COP1: variants seen among roughly 807,000 people sequenced by gnomAD.
COP1 encodes the protein E3 ubiquitin-protein ligase COP1.
Under a neutral mutation model 101.3 loss-of-function variants are expected in COP1, and 24 were observed. That is an observed-to-expected ratio of 0.24 (90% CI 0.17 to 0.33). The LOEUF is 0.33. COP1 is among the 10% of genes least tolerant of loss of function. The probability of loss-of-function intolerance (pLI) is 1.00; values close to 1 mark genes in which losing one functional copy is unlikely to be tolerated. For synonymous variants in COP1, 347 were observed against 341.9 expected, an observed-to-expected ratio of 1.01 and a Z score of -0.17; for missense variants, 663 against 906.2, an observed-to-expected ratio of 0.73 and a Z score of 3.45.
chr1:176,062,039 G>A (rs1418028769), intron 11 of COP1, among the ~76,000 whole-genome samples: 2 of 152,012 alleles, frequency 1.3e-5, no homozygotes, highest in Admixed American at 6.5e-5. Context: ...TCACTCTATC[G>A]CCCAGGCTGG....
chr1:175,956,744 A>G (rs898222322), intron 18 of COP1, among the ~76,000 whole-genome samples: 11 of 152,196 alleles, frequency 7.2e-5, no homozygotes, highest in East Asian at 3.8e-4. Context: ...ATACTTCTTA[A>G]TCATTAATTT....
intron 18 of COP1, among the ~76,000 whole-genome samples, chr1:175,957,776 C>A (rs1650860461): frequency 6.6e-6 from 1 of 151,988 alleles, no homozygotes; most frequent in South Asian, 2.1e-4. Context: ...AAACTGGAAA[C>A]AAGGGCAATA....
intron 15 of COP1, among the ~76,000 whole-genome samples, chr1:176,005,780 A>G (rs1200195790): frequency 5.9e-5 from 9 of 151,880 alleles, no homozygotes; most frequent in African/African-American, 9.7e-5. Flanking sequence ...TATGTGGTCA[A>G]TTTTGGAATA....
chr1:176,196,798 G>C (rs1699740913), intron 1 of COP1, among the ~76,000 whole-genome samples: 1 of 151,726 alleles, frequency 6.6e-6, no homozygotes, highest in South Asian at 2.1e-4. Flanking sequence ...CCAGCACTTT[G>C]AGAGGTCAAA....
intron 11 of COP1, among the ~76,000 whole-genome samples, chr1:176,055,104 T>G (rs1398999484): frequency 2.0e-5 from 3 of 152,220 alleles, no homozygotes; most frequent in Admixed American, 6.5e-5. Context: ...CATCACAGTC[T>G]ACTTTGGTCA....
intron 8 of COP1, among the ~76,000 whole-genome samples, chr1:176,121,486 A>G (rs1416741520): frequency 6.8e-6 from 1 of 146,914 alleles, no homozygotes. Flanking sequence ...TAAGTACCAG[A>G]CATTATTTTC....
intron 18 of COP1, among the ~76,000 whole-genome samples, chr1:175,949,203 T>TAAAAAAAAAAAAAAAAA (rs1649572689): frequency 1.4e-5 from 1 of 70,872 alleles, no homozygotes; most frequent in African/African-American, 5.4e-5. Context: ...TGAACATGGG[T>TAAAAAAAAAAAAAAAAA]AATACAATAC....
At chr1:176,014,582 CAT>C (rs1665282201) in intron 15 of COP1, among the ~76,000 whole-genome samples, 1 of 152,046 alleles carries the variant, frequency 6.6e-6, no homozygotes, top group South Asian at 2.1e-4. Flanking sequence ...TAATAAAATA[CAT>C]GTTTTTTTAA....
chr1:175,989,505 T>C (rs764011836), intron 15 of COP1, 26 bp from the exon 16 acceptor site: 2 of 1,232,546 alleles, frequency 1.6e-6, no homozygotes, highest in South Asian at 2.5e-5. Flanking sequence ...ATTAGATAAA[T>C]GTAGTAAATG....
intron 5 of COP1, among the ~76,000 whole-genome samples, chr1:176,156,996 G>C (rs1382487573): frequency 6.6e-6 from 1 of 152,014 alleles, no homozygotes; most frequent in East Asian, 1.9e-4. Flanking sequence ...CCAGGAGTTC[G>C]AGACCAGCCT....
intron 15 of COP1, among the ~76,000 whole-genome samples, chr1:176,020,736 T>G (rs1438099686): frequency 6.6e-6 from 1 of 152,194 alleles, no homozygotes; most frequent in South Asian, 2.1e-4. Context: ...TAGGAAAATA[T>G]GTATCAAATA....
chr1:176,035,173 T>C (rs1325024555), intron 14 of COP1, among the ~76,000 whole-genome samples: 3 of 152,240 alleles, frequency 2.0e-5, no homozygotes, highest in Non-Finnish European at 4.4e-5. Context: ...AAGCAACTAT[T>C]GTAATTATAC....
At chr1:176,202,292 T>C (rs1051094221) in intron 1 of COP1, among the ~76,000 whole-genome samples, 10 of 150,746 alleles carry the variant, frequency 6.6e-5, no homozygotes, top group African/African-American at 2.4e-4. Flanking sequence ...CAGGCTCAAG[T>C]GATCCTCCCA....
At chr1:176,084,278 G>C (rs1679716684) in intron 10 of COP1, among the ~76,000 whole-genome samples, 1 of 152,064 alleles carries the variant, frequency 6.6e-6, no homozygotes, top group Admixed American at 6.5e-5. Flanking sequence ...CTGATTTTGG[G>C]AATCTTAATA....
intron 18 of COP1, among the ~76,000 whole-genome samples, chr1:175,947,505 G>C (rs1374014779): frequency 6.6e-6 from 1 of 151,878 alleles, no homozygotes; most frequent in Admixed American, 6.6e-5. Flanking sequence ...CGAGTAGCTG[G>C]GATTACAGGC....
intron 15 of COP1, among the ~76,000 whole-genome samples, chr1:176,006,369 G>A (rs1371081176): frequency 6.6e-6 from 1 of 152,168 alleles, no homozygotes; most frequent in Non-Finnish European, 1.5e-5. Flanking sequence ...ATATTGTTAT[G>A]TGTGAATTTG....
intron 9 of COP1, among the ~76,000 whole-genome samples, chr1:176,113,299 T>C (rs1685600744): frequency 6.6e-6 from 1 of 152,210 alleles, no homozygotes; most frequent in Admixed American, 6.5e-5. Flanking sequence ...TGATGGTTAG[T>C]GATAAGTATT....
chr1:176,206,422 C>T (rs1572852186), intron 1 of COP1, 150 bp downstream of exon 1: 1 of 855,600 alleles, frequency 1.2e-6, no homozygotes, highest in South Asian at 1.8e-5. Context: ...CGAATGCCTG[C>T]AAACGCTCGA....
At chr1:176,144,517 T>C in intron 6 of COP1, among the ~76,000 whole-genome samples, 1 of 152,140 alleles carries the variant, frequency 6.6e-6, no homozygotes, top group Non-Finnish European at 1.5e-5. Context: ...ATTTATCTAG[T>C]CAAATTAATC....
Sources: gnomAD v4.1 joint callset for allele counts (sites outside exome capture counted in the v4.1 genomes callset) on GRCh38, gnomAD v4.1.1 for gene constraint, MANE v1.5 for transcripts, NCBI Gene and HGNC (gene_info 2026-07-23, HGNC 2026-07-21) for gene names.